MAGI2: variants seen among roughly 807,000 people sequenced by gnomAD.
MAGI2 encodes the protein membrane associated guanylate kinase, WW and PDZ domain containing 2, also known as membrane-associated guanylate kinase, WW and PDZ domain-containing protein 2.
MAGI2 carries 35 observed loss-of-function variants against 133.3 expected under a neutral mutation model. The observed-to-expected ratio is 0.26, with a 90% CI of 0.20 to 0.35. The LOEUF (loss-of-function observed/expected upper bound fraction) is 0.35, where lower values mean the gene tolerates loss of function less well. Ranked by LOEUF, MAGI2 falls within the 10% of genes least tolerant of loss-of-function variation. The pLI, the probability that MAGI2 is intolerant of heterozygous loss-of-function variation, is 1.00. For synonymous variants in MAGI2, 729 were observed against 710.6 expected (o/e 1.03, Z -0.41); for missense variants, 1,636 against 1,863.4 (o/e 0.88, Z 2.25).
At chr7:78,911,842 C>G (rs1448837830) in intron 2 of MAGI2, among the ~76,000 whole-genome samples, 1 of 151,868 alleles carries the variant, frequency 6.6e-6, no homozygotes, top group Non-Finnish European at 1.5e-5. Context: ...TTCTGTTCCT[C>G]TCTCTCCTCC....
intron 1 of MAGI2, among the ~76,000 whole-genome samples, chr7:79,239,297 T>TACATAGAAAGA (rs1412566765): frequency 2.0e-5 from 3 of 152,278 alleles, no homozygotes; most frequent in African/African-American, 7.2e-5. Context: ...TGAGAAACAC[T>TACATAGAAAGA]AACTCACTTA....
intron 2 of MAGI2, among the ~76,000 whole-genome samples, chr7:78,988,617 T>C (rs1482939348): frequency 6.6e-6 from 1 of 152,102 alleles, no homozygotes; most frequent in East Asian, 1.9e-4. Flanking sequence ...AGCTAGCTAT[T>C]GAAAGAGAAT....
intron 5 of MAGI2, among the ~76,000 whole-genome samples, chr7:78,499,138 G>A (rs578192391): frequency 2.0e-5 from 3 of 152,034 alleles, no homozygotes; most frequent in Non-Finnish European, 4.4e-5. Flanking sequence ...CCAGTGAAAC[G>A]AAAACTAAGA....
At chr7:78,505,180 C>T (rs62467120) in intron 4 of MAGI2, among the ~76,000 whole-genome samples, 8,535 of 152,132 alleles carry the variant, frequency 0.056, 286 homozygotes, top group Middle Eastern at 0.16. Context: ...TATCATCTTG[C>T]TGTCACTATT....
At chr7:78,914,338 A>G (rs1798627059) in intron 2 of MAGI2, among the ~76,000 whole-genome samples, 1 of 152,180 alleles carries the variant, frequency 6.6e-6, no homozygotes, top group African/African-American at 2.4e-5. Context: ...GAACAAATGT[A>G]ATTTAGTGAA....
chr7:79,030,561 A>C (rs563487814), intron 1 of MAGI2, among the ~76,000 whole-genome samples: 13 of 152,328 alleles, frequency 8.5e-5, no homozygotes, highest in African/African-American at 3.1e-4. Flanking sequence ...TAAAAATAAG[A>C]AAGCAGATGC....
intron 1 of MAGI2, among the ~76,000 whole-genome samples, chr7:79,062,698 T>C (rs1584826055): frequency 1.3e-5 from 2 of 151,954 alleles, no homozygotes; most frequent in African/African-American, 4.8e-5. Flanking sequence ...ACAATCCAGG[T>C]GCATCCATGC....
At chr7:78,381,171 AC>A (rs1490277744) in intron 6 of MAGI2, among the ~76,000 whole-genome samples, 1 of 152,140 alleles carries the variant, frequency 6.6e-6, no homozygotes, top group African/African-American at 2.4e-5. Flanking sequence ...ACATGGCGAA[AC>A]CTTGTCTCTA....
At chr7:78,697,514 G>A (rs1322291623) in intron 2 of MAGI2, among the ~76,000 whole-genome samples, 1 of 152,108 alleles carries the variant, frequency 6.6e-6, no homozygotes, top group Non-Finnish European at 1.5e-5. Flanking sequence ...CAATGGATAT[G>A]CTACTAGTAT....
At chr7:79,112,260 T>C (rs964448396) in intron 1 of MAGI2, among the ~76,000 whole-genome samples, 15 of 152,156 alleles carry the variant, frequency 9.9e-5, no homozygotes, top group Non-Finnish European at 1.6e-4. Context: ...TATGATTCCA[T>C]TGCTCTGGTT....
At chr7:78,406,992 A>G (rs1022733545) in intron 6 of MAGI2, among the ~76,000 whole-genome samples, 1 of 152,106 alleles carries the variant, frequency 6.6e-6, no homozygotes, top group African/African-American at 2.4e-5. Context: ...AAAAAAGCCC[A>G]AAAAATCCTC....
chr7:78,745,127 A>G (rs558653134), intron 2 of MAGI2, among the ~76,000 whole-genome samples: 180 of 152,262 alleles, frequency 1.2e-3, no homozygotes, highest in African/African-American at 4.2e-3. Flanking sequence ...AGACTATCTG[A>G]CTCCAGAACT....
intron 20 of MAGI2, among the ~76,000 whole-genome samples, chr7:78,121,524 G>T (rs953683835): frequency 7.2e-5 from 11 of 152,186 alleles, no homozygotes; most frequent in African/African-American, 2.7e-4. Flanking sequence ...ATCAAGAAAT[G>T]CAAATCCAAA....
At chr7:79,325,460 T>C (rs1414782634) in intron 1 of MAGI2, among the ~76,000 whole-genome samples, 1 of 152,192 alleles carries the variant, frequency 6.6e-6, no homozygotes, top group Non-Finnish European at 1.5e-5. Flanking sequence ...AATGAGTATT[T>C]CTCAAATCAC....
At chr7:79,223,380 A>T (rs182867870) in intron 1 of MAGI2, among the ~76,000 whole-genome samples, 40 of 152,150 alleles carry the variant, frequency 2.6e-4, no homozygotes, top group African/African-American at 8.5e-4. Flanking sequence ...TTAACACTTC[A>T]TTATGCATGT....
intron 6 of MAGI2, among the ~76,000 whole-genome samples, chr7:78,443,981 T>C (rs897484396): frequency 5.3e-5 from 8 of 152,108 alleles, no homozygotes; most frequent in Admixed American, 1.3e-4. Context: ...ATGGAGGTGT[T>C]GTTTACTTGA....
chr7:78,203,661 GA>G (rs1337970025), intron 10 of MAGI2, among the ~76,000 whole-genome samples: 1 of 152,212 alleles, frequency 6.6e-6, no homozygotes, highest in African/African-American at 2.4e-5. Flanking sequence ...TTGTTAAAAA[GA>G]AGTTGCGTGC....
chr7:79,113,810 T>A (rs373893998), intron 1 of MAGI2, among the ~76,000 whole-genome samples: 1 of 65,510 alleles, frequency 1.5e-5, no homozygotes, highest in East Asian at 3.9e-4. Flanking sequence ...TTACACACGC[T>A]TACACACACA....
chr7:79,200,610 CAA>C (rs202079172), intron 1 of MAGI2, among the ~76,000 whole-genome samples: 13 of 127,842 alleles, frequency 1.0e-4, no homozygotes, highest in East Asian at 2.2e-4. Flanking sequence ...GACCCCATCT[CAA>C]AAAAAAAAAA....
Sources: allele counts gnomAD v4.1 joint callset (sites outside exome capture counted in the v4.1 genomes callset), GRCh38; gene constraint gnomAD v4.1.1; transcripts MANE v1.5; gene names NCBI Gene and HGNC (gene_info 2026-07-23, HGNC 2026-07-21).